PPP1R13B: variants seen among roughly 807,000 people sequenced by gnomAD.
PPP1R13B encodes protein phosphatase 1 regulatory subunit 13B.
In PPP1R13B, 44 loss-of-function variants were observed where a neutral mutation model predicts 119.8. That is an observed-to-expected ratio of 0.37 (90% CI 0.29 to 0.47). The LOEUF is 0.47. PPP1R13B is among the 20% of genes least tolerant of loss of function. The pLI is 0.99. For synonymous variants in PPP1R13B, 542 were observed against 561.5 expected, an observed-to-expected ratio of 0.97 and a Z score of 0.49; for missense variants, 1,227 against 1,413.5, an observed-to-expected ratio of 0.87 and a Z score of 2.12.
At chr14:103,778,064 G>T in intron 4 of PPP1R13B, among the ~76,000 whole-genome samples, 1 of 151,546 alleles carries the variant, frequency 6.6e-6, no homozygotes, top group Non-Finnish European at 1.5e-5. Flanking sequence ...CGATTCTCCT[G>T]CCTCAGCCTC....
rs777959122 is a variant in PPP1R13B, at chr14:103,742,605, G to A, written c.1320+49C>T. ...TAGCTTAGTACTAAGGCAGAAGAGA[G>A]CCCTGTTGAAGAGCCCGCTTGTGTT... On this transcript the variant is annotated intron_variant, in intron 10 of 16. Coordinates refer to ENST00000202556, the MANE Select transcript of PPP1R13B (RefSeq NM_015316.3). This position sits in a 1 kb window ranked among gnomAD's most constrained non-coding sequence, Gnocchi z 4.9. 1.3e-6 allele frequency: 2 copies of A among 1,589,036 alleles called. No individual in the cohort carries two copies. The highest frequency in any genetic ancestry group is 1.7e-6 in the Non-Finnish European group (2 of 1,167,686).
intron 4 of PPP1R13B, among the ~76,000 whole-genome samples, chr14:103,777,205 C>T (rs1300135550): frequency 4.6e-5 from 7 of 152,060 alleles, no homozygotes; most frequent in Non-Finnish European, 1.0e-4. Context: ...ATTGGTCAGA[C>T]TGGTCTCGAA....
At position 103,734,426 on chromosome 14, in the gene PPP1R13B, A is replaced by C. The variant is rs190829235; in HGVS notation, c.*728T>G. 15 of 434,310 alleles carry C rather than the reference A, an allele frequency of 3.5e-5. No homozygotes were observed. Among genetic ancestry groups the C allele is most frequent in the African/African-American group, 2.6e-4 (13 of 49,904 alleles). The allele number at this position is 434,310 out of a possible 1,614,324, so 26.9% of individuals were successfully genotyped here. A position where few individuals can be genotyped will look rare whatever the true frequency, so the allele number is the denominator to read the frequency against. ...AGGGGTGAGAACCACACTGAGCAGC[A>C]TGACAGGCTGTGAGATCGGAGGAGA... On this transcript the variant is annotated 3_prime_UTR_variant, in exon 17 of 17. Coordinates refer to ENST00000202556, the MANE Select transcript of PPP1R13B (RefSeq NM_015316.3).
At chr14:103,763,119 C>T (rs1054946455) in intron 4 of PPP1R13B, 44 of 712,638 alleles carry the variant, frequency 6.2e-5, no homozygotes, top group East Asian at 2.7e-4. Flanking sequence ...CAGCTTTTCC[C>T]GCAGCTCCCT....
intron 1 of PPP1R13B, among the ~76,000 whole-genome samples, chr14:103,807,429 G>A (rs1478977021): frequency 6.6e-6 from 1 of 152,204 alleles, no homozygotes; most frequent in Admixed American, 6.5e-5. Context: ...TACCTGCTGT[G>A]TCAGTAGTGC....
chr14:103,741,937 C>A lies in PPP1R13B; in HGVS notation c.1675G>T (p.Asp559Tyr). Reference protein sequence around the residue: ...LTVAIRPFLADKGSRPQSPRK... With the variant: ...LTVAIRPFLAYKGSRPQSPRK... ...GGAGACTGTGGCCTTGACCCTTTAT[C>A]AGCCAGGAAAGGCCTAATGGCCACT... Residue 559 changes from aspartate (D) to tyrosine (Y), a missense_variant, in exon 11 of 17, where the codon GAT becomes TAT. By Grantham distance (160) the Asp-to-Tyr change is radical. Transcript: ENST00000202556. 1 of 1,614,252 alleles carries A rather than the reference C, an allele frequency of 6.2e-7. No individual in the cohort carries two copies. The highest frequency in any genetic ancestry group is 8.5e-7 in the Non-Finnish European group (1 of 1,180,042).
intron 1 of PPP1R13B, among the ~76,000 whole-genome samples, chr14:103,844,433 TA>T (rs1451452264): frequency 6.6e-6 from 1 of 151,734 alleles, no homozygotes; most frequent in Non-Finnish European, 1.5e-5. Flanking sequence ...TGTGATTAAT[TA>T]AAAGTTACCA....
intron 1 of PPP1R13B, chr14:103,818,414 C>T: frequency 2.3e-6 from 2 of 858,246 alleles, no homozygotes; most frequent in Non-Finnish European, 2.8e-6. Flanking sequence ...ATAATTTCTA[C>T]TCTTGCAAAC....
chr14:103,794,168 G>T (rs1285150591), intron 2 of PPP1R13B, among the ~76,000 whole-genome samples: 2 of 152,192 alleles, frequency 1.3e-5, no homozygotes, highest in Non-Finnish European at 2.9e-5. Context: ...AAGCCACCCA[G>T]TCTGTGGCAC....
chr14:103,741,776 T>C lies in PPP1R13B; in HGVS notation c.1822+14A>G. The C allele has an allele frequency of 6.2e-7, 1 of 1,610,064 alleles. No individual in the cohort carries two copies. Among genetic ancestry groups the C allele is most frequent in the Non-Finnish European group, 8.5e-7 (1 of 1,177,190 alleles). On this transcript the variant is annotated intron_variant, in intron 11 of 16. Coordinates refer to ENST00000202556, the MANE Select transcript of PPP1R13B (RefSeq NM_015316.3). ...TCCTAGCCCCAAGAAAAGGAGAGTA[T>C]AAACCCACTCTACCTGCTTTAACTG...
Position 103,739,872 on chromosome 14 carries a change from G to C in PPP1R13B, c.2544C>G (p.Val848=). The C allele has an allele frequency of 6.2e-7, 1 of 1,613,728 alleles. No individual in the cohort carries two copies. The highest frequency in any genetic ancestry group is 1.1e-5 in the South Asian group (1 of 91,056). ...TGGCAGGGGGAAGAGGTGCTGGAGGGACCTGCTCTTCCCCTGGAGATGGGG... is the reference window on the plus strand; with the variant it reads ...TGGCAGGGGGAAGAGGTGCTGGAGGCACCTGCTCTTCCCCTGGAGATGGGG... ...AEAPSPGEEQ[V]PPAPLPPASH... is the part of the protein sequence containing the mutation. The change falls in exon 12 of 17, where the codon GTC becomes GTG. Residue 848 remains valine, a synonymous_variant. Transcript: ENST00000202556.
chr14:103,796,957 A>G (rs34813623), intron 2 of PPP1R13B, among the ~76,000 whole-genome samples: 67,210 of 151,290 alleles, frequency 0.44, 15,416 homozygotes, highest in African/African-American at 0.56. Context: ...ACTCCATGTC[A>G]GAAAACAAAA....
chr14:103,801,922 T>C (rs917309551), intron 1 of PPP1R13B, among the ~76,000 whole-genome samples: 1 of 152,204 alleles, frequency 6.6e-6, no homozygotes, highest in African/African-American at 2.4e-5. Context: ...AAAAATTAAG[T>C]AACAGTTACC....
chr14:103,788,949 G>A (rs569371950), intron 2 of PPP1R13B, among the ~76,000 whole-genome samples: 1 of 152,224 alleles, frequency 6.6e-6, no homozygotes, highest in South Asian at 2.1e-4. Context: ...TCAGGAGTTG[G>A]TAGATGGTGA....
rs1340721914 is a variant in PPP1R13B at position 103,733,310 on chromosome 14, C to T, written c.*1844G>A. 2 of 362,664 alleles carry T rather than the reference C, an allele frequency of 5.5e-6. No homozygotes were observed. Among genetic ancestry groups the T allele is most frequent in the Admixed American group, 8.5e-5 (2 of 23,542 alleles). 22.5% of individuals were successfully genotyped at this position (362,664 alleles called of 1,614,324 possible). ...TAAACTATTTTTAGCATAATATATA[C>T]CATTTTTATGAGTTCGCAGGTCTAC... On this transcript the variant is annotated 3_prime_UTR_variant, in exon 17 of 17. Coordinates refer to ENST00000202556, the MANE Select transcript of PPP1R13B (RefSeq NM_015316.3).
At position 103,784,658 on chromosome 14, in the gene PPP1R13B, T is replaced by C. The variant is rs903685346; in HGVS notation, c.277+137A>G. 1.1e-5 allele frequency: 7 copies of C among 615,400 alleles called. No homozygotes were observed. The South Asian group carries it at 3.3e-4, about 29-fold the overall frequency. 38.1% of individuals were successfully genotyped at this position (615,400 alleles called of 1,614,324 possible). A position where few individuals can be genotyped will look rare whatever the true frequency, so the allele number is the denominator to read the frequency against. On this transcript the variant is annotated intron_variant, in intron 3 of 16. Coordinates refer to ENST00000202556, the MANE Select transcript of PPP1R13B (RefSeq NM_015316.3). The stretch of plus-strand genomic sequence containing the variant: ...AACACTAACAGAAGCCAAAGTAACA[T>C]GGGATACCAACTTTCCCTCTAGCCA...
chr14:103,767,485 T>C (rs1361719577), intron 4 of PPP1R13B, among the ~76,000 whole-genome samples: 1 of 152,116 alleles, frequency 6.6e-6, no homozygotes, highest in Non-Finnish European at 1.5e-5. Flanking sequence ...CAGCAAACAA[T>C]GACCTCACAA....
chr14:103,756,608 C>T lies in PPP1R13B; in HGVS notation c.456+1042G>A, dbSNP rs562234850. On this transcript the variant is annotated intron_variant, in intron 5 of 16. Coordinates refer to ENST00000202556, the MANE Select transcript of PPP1R13B (RefSeq NM_015316.3). ...CCTAGAGTAGCACATGGGGAAGCCC[C>T]GTTAACCACCTGTCATTGTCTTCGT... 5.1e-4 allele frequency among the ~76,000 whole-genome samples: 78 copies of T among 152,252 alleles called. No homozygotes were observed. In the South Asian group the frequency reaches 0.016, roughly 31 times the overall value.
intron 3 of PPP1R13B, among the ~76,000 whole-genome samples, chr14:103,782,437 C>T (rs956294164): frequency 6.6e-6 from 1 of 152,226 alleles, no homozygotes; most frequent in South Asian, 2.1e-4. Flanking sequence ...CAGTGAATAA[C>T]CCTGTTTATA....
Sources: allele counts gnomAD v4.1 joint callset (sites outside exome capture counted in the v4.1 genomes callset), GRCh38; gene constraint gnomAD v4.1.1; non-coding constraint Gnocchi (gnomAD v3.1); transcripts MANE v1.5; gene names NCBI Gene and HGNC (gene_info 2026-07-23, HGNC 2026-07-21).